The following TENM1 variants were observed in gnomAD, a reference collection of about 807,000 sequenced individuals.
TENM1 encodes the protein teneurin-1.
TENM1 carries 35 observed loss-of-function variants against 174.8 expected under a neutral mutation model. That is an observed-to-expected ratio of 0.20 (90% CI 0.15 to 0.27). The LOEUF (loss-of-function observed/expected upper bound fraction) is 0.27, where lower values mean the gene tolerates loss of function less well. Ranked by LOEUF, TENM1 falls within the 10% of genes least tolerant of loss-of-function variation. The probability of loss-of-function intolerance (pLI) is 1.00; values close to 1 mark genes in which losing one functional copy is unlikely to be tolerated. For synonymous variants in TENM1, 781 were observed against 798.7 expected (o/e 0.98, Z 0.37); for missense variants, 1,633 against 2,130.1 (o/e 0.77, Z 4.59).
chrX:124,528,463 A>G (rs1457438464), intron 16 of TENM1, among the ~76,000 whole-genome samples: 1 of 111,154 alleles, frequency 9.0e-6, no homozygotes, highest in African/African-American at 3.3e-5. Context: ...CTCAGAAGAC[A>G]TATTCTATTT....
At chrX:124,909,828 A>T (rs1424416605) in intron 1 of TENM1, among the ~76,000 whole-genome samples, 1 of 112,289 alleles carries the variant, frequency 8.9e-6, no homozygotes, top group African/African-American at 3.2e-5. Context: ...ATTAACAAAG[A>T]TGAGAGGAAT....
intron 5 of TENM1, among the ~76,000 whole-genome samples, chrX:124,696,818 C>T (rs981633530): frequency 5.4e-5 from 6 of 111,156 alleles, no homozygotes; most frequent in South Asian, 3.8e-4. Flanking sequence ...GAATTAAGAA[C>T]GTTGAATAAT....
the TENM1 span, among the ~76,000 whole-genome samples, chrX:125,129,567 T>C: frequency 4.5e-5 from 5 of 111,028 alleles, 1 homozygote; most frequent in South Asian, 1.9e-3. Context: ...TTCTATTTTT[T>C]ATACCTATTA....
chrX:124,401,501 A>G (rs2060400473), intron 27 of TENM1, among the ~76,000 whole-genome samples: 1 of 112,194 alleles, frequency 8.9e-6, no homozygotes, highest in Admixed American at 9.4e-5. Flanking sequence ...ATTCAGTCCA[A>G]GGTATTGAGG....
At chrX:124,907,094 G>T (rs761534322) in intron 1 of TENM1, among the ~76,000 whole-genome samples, 52 of 111,801 alleles carry the variant, frequency 4.7e-4, no homozygotes, top group African/African-American at 1.5e-3. Context: ...CAATAAAGAT[G>T]TTTCTAGAAA....
At chrX:124,904,405 A>C (rs894354965) in intron 1 of TENM1, among the ~76,000 whole-genome samples, 4 of 111,779 alleles carry the variant, frequency 3.6e-5, no homozygotes, top group Non-Finnish European at 3.8e-5. Flanking sequence ...CTAAACACCA[A>C]AGTTTAAAAA....
chrX:124,977,965 TGTGAGAGAGAGAGA>T, the TENM1 span, among the ~76,000 whole-genome samples: 58 of 14,624 alleles, frequency 4.0e-3, 1 homozygote, highest in East Asian at 5.3e-3. Context: ...TGTGTGTGTG[TGTGAGAGAGAGAGA>T]GAGAGAGAGA....
At chrX:124,962,975 G>A (rs2058678143) in intron 1 of TENM1, among the ~76,000 whole-genome samples, 1 of 112,369 alleles carries the variant, frequency 8.9e-6, no homozygotes, top group South Asian at 3.7e-4. Context: ...GTTAGAAACT[G>A]TCTTGTCAAT....
At chrX:124,659,284 C>T (rs185841897) in intron 6 of TENM1, among the ~76,000 whole-genome samples, 1 of 110,571 alleles carries the variant, frequency 9.0e-6, no homozygotes, top group Admixed American at 9.6e-5. Context: ...GAAAATATTG[C>T]CAATTGCAAA....
chrX:124,481,156 T>C (rs1276500878), intron 22 of TENM1, among the ~76,000 whole-genome samples: 2 of 112,396 alleles, frequency 1.8e-5, no homozygotes, highest in African/African-American at 6.5e-5. Context: ...CAATATCAAC[T>C]GAAAATATAA....
chrX:125,026,780 C>T, the TENM1 span, among the ~76,000 whole-genome samples: 2 of 111,683 alleles, frequency 1.8e-5, no homozygotes, highest in African/African-American at 3.2e-5. Context: ...AAAGCGAAAA[C>T]ATATGTCATT....
At chrX:124,940,701 G>A (rs1315503061) in intron 1 of TENM1, among the ~76,000 whole-genome samples, 2 of 110,502 alleles carry the variant, frequency 1.8e-5, no homozygotes, top group African/African-American at 3.3e-5. Flanking sequence ...CTTGGCAGAC[G>A]ACATTGTCTC....
chrX:125,010,938 C>G, the TENM1 span, among the ~76,000 whole-genome samples: 1 of 111,076 alleles, frequency 9.0e-6, no homozygotes, highest in Admixed American at 9.6e-5. Flanking sequence ...AATTATACTA[C>G]AAGGTTACAG....
At chrX:125,105,968 A>G in the TENM1 span, among the ~76,000 whole-genome samples, 3 of 111,963 alleles carry the variant, frequency 2.7e-5, no homozygotes, top group Admixed American at 9.5e-5. Flanking sequence ...CACCTGCTTC[A>G]TTCACAATGG....
intron 11 of TENM1, among the ~76,000 whole-genome samples, chrX:124,576,637 G>A (rs2843500): frequency 0.24 from 26,883 of 110,856 alleles, 2,422 homozygotes; most frequent in South Asian, 0.4. Context: ...AACTACTACT[G>A]GAACAATTAT....
At position 124,848,286 on chromosome X, in the gene TENM1, G is replaced by T. The variant is rs527805423; in HGVS notation, c.535+46010C>A. ...GGAAGTAGTTTCCAAATTTTTTAGTGTATCTAAATTTTCTGTGGTCAGCCA... is the reference window on the plus strand; with the variant it reads ...GGAAGTAGTTTCCAAATTTTTTAGTTTATCTAAATTTTCTGTGGTCAGCCA... On this transcript the variant is annotated intron_variant, in intron 3 of 31. Transcript: ENST00000422452. 8.1e-5 allele frequency among the ~76,000 whole-genome samples: 9 copies of T among 110,639 alleles called. No individual in the cohort carries two copies. In the South Asian group the frequency reaches 3.4e-3, roughly 42 times the overall value.
At position 124,886,548 on chromosome X, in the gene TENM1, T is replaced by TATAGAG. The variant is rs1187597592; in HGVS notation, c.535+7747_535+7748insCTCTAT. The stretch of plus-strand genomic sequence containing the variant: ...ATATATATATATATATATATATATA[T>TATAGAG]AGAGAGAGAGAGAGAGAGAGAGAGA... On this transcript the variant is annotated intron_variant, in intron 3 of 31. Coordinates refer to ENST00000422452, the Ensembl canonical transcript of TENM1. Among the ~76,000 whole-genome samples, 262 of 59,953 alleles carry TATAGAG rather than the reference T, an allele frequency of 4.4e-3. 1 individual carries two copies. Among genetic ancestry groups the TATAGAG allele is most frequent in the Non-Finnish European group, 6.5e-3 (220 of 33,733 alleles). 52.1% of individuals were successfully genotyped at this position (59,953 alleles called of 115,157 possible). A position where few individuals can be genotyped will look rare whatever the true frequency, so the allele number is the denominator to read the frequency against.
the TENM1 span, among the ~76,000 whole-genome samples, chrX:125,196,294 A>C: frequency 1.5e-3 from 170 of 111,515 alleles, 2 homozygotes; most frequent in African/African-American, 5.3e-3. Context: ...TCACAAAAAC[A>C]TATTCATTTG....
chrX:124,835,123 C>T (rs2147342957), intron 3 of TENM1, among the ~76,000 whole-genome samples: 1 of 111,910 alleles, frequency 8.9e-6, no homozygotes, highest in African/African-American at 3.2e-5. Context: ...TCTCATGCCT[C>T]TGGGTTTTTG....
Sources: gnomAD v4.1 joint callset for allele counts (sites outside exome capture counted in the v4.1 genomes callset) on GRCh38, gnomAD v4.1.1 for gene constraint, MANE v1.5 for transcripts, NCBI Gene and HGNC (gene_info 2026-07-23, HGNC 2026-07-21) for gene names.